Variants in TPX2 observed in about 807,000 individuals in gnomAD.
The protein encoded by TPX2 is TPX2 microtubule nucleation factor.
TPX2 carries 21 observed loss-of-function variants against 93.6 expected under a neutral mutation model. That is an observed-to-expected ratio of 0.22 (90% confidence interval 0.16 to 0.32). The LOEUF is 0.32. TPX2 is among the 10% of genes least tolerant of loss of function. TPX2 has a pLI of 1.00. For missense variants in TPX2, 776 were observed against 871.1 expected (o/e 0.89, Z 1.37); for synonymous variants, 281 against 298.3 (o/e 0.94, Z 0.60).
rs138072288 is a variant in TPX2, at chr20:31,755,834, C to G, written c.-70-1573C>G. Among the ~76,000 whole-genome samples the G allele has an allele frequency of 1.4e-3, 216 of 151,742 alleles. 3 individuals are homozygous for G. The highest frequency in any genetic ancestry group is 8.3e-3 in the East Asian group (43 of 5,154). ...TTGGCCACTGAGTGTGGCCTTTAGG[C>G]TATTTATCAGATTACTTTCAGCTAT... On this transcript the variant is annotated intron_variant, in intron 2 of 17. Coordinates refer to ENST00000300403, the MANE Select transcript of TPX2 (RefSeq NM_012112.5).
intron 16 of TPX2, 39 bp downstream of exon 16, chr20:31,797,554 T>A (rs1395699041): frequency 6.4e-7 from 1 of 1,567,704 alleles, no homozygotes; most frequent in Admixed American, 1.7e-5. Flanking sequence ...CGGGCAGAAT[T>A]GTCAGACTTC....
chr20:31,764,098 T>C (rs542245084), intron 4 of TPX2, among the ~76,000 whole-genome samples: 2 of 133,540 alleles, frequency 1.5e-5, no homozygotes, highest in Non-Finnish European at 3.1e-5. Context: ...TATATGTACA[T>C]ACATCTAATA....
intron 1 of TPX2, among the ~76,000 whole-genome samples, chr20:31,742,202 C>T (rs2061757233): frequency 7.4e-6 from 1 of 134,426 alleles, no homozygotes; most frequent in Non-Finnish European, 1.5e-5. Flanking sequence ...TTGAGACAGT[C>T]TCACTGTGTT....
At chr20:31,780,060 T>A (rs1254389997) in intron 10 of TPX2, among the ~76,000 whole-genome samples, 1 of 152,230 alleles carries the variant, frequency 6.6e-6, no homozygotes, top group Non-Finnish European at 1.5e-5. Context: ...AGGCATTTTT[T>A]TTGAGACAGA....
At position 31,794,519 on chromosome 20, in the gene TPX2, G is replaced by A. The variant is rs751887166; in HGVS notation, c.1804G>A (p.Ala602Thr). 2 of 1,614,006 alleles carry A rather than the reference G, an allele frequency of 1.2e-6. No individual in the cohort carries two copies. The highest frequency in any genetic ancestry group is 1.7e-6 in the Non-Finnish European group (2 of 1,179,992). ...PFCLETDRRG[A>T]LKAQTWKHQL... ...CTGCTTGGAGACTGACAGAAGAGGTGCTCTGAAGGCACAGACTTGGAAGCA... is the reference window on the plus strand; with the variant it reads ...CTGCTTGGAGACTGACAGAAGAGGTACTCTGAAGGCACAGACTTGGAAGCA... Residue 602 changes from alanine (A) to threonine (T), a missense_variant, in exon 15 of 18, where the codon GCT (alanine) becomes ACT (threonine). This residue lies in a region of TPX2 where 461 missense variants were observed against 551.2 expected (regional missense o/e 0.84). Transcript: ENST00000300403.
rs1359130549 is a variant in TPX2, at chr20:31,742,667, A to C, written c.-71+20A>C. 6.6e-6 allele frequency: 1 copy of C among 152,236 alleles called. No homozygotes were observed. The highest frequency in any genetic ancestry group is 1.5e-5 in the Non-Finnish European group (1 of 68,044). 9.4% of individuals were successfully genotyped at this position (152,236 alleles called of 1,614,324 possible). On this transcript the variant is annotated intron_variant, in intron 2 of 17. Coordinates refer to ENST00000300403, the MANE Select transcript of TPX2 (RefSeq NM_012112.5). ...CCACAGGTAAGGCAGTGACCATAGG[A>C]ATAAGGAACATTAATATATCAGCTT...
At chr20:31,743,743 T>G (rs2061766859) in intron 2 of TPX2, among the ~76,000 whole-genome samples, 1 of 151,308 alleles carries the variant, frequency 6.6e-6, no homozygotes, top group East Asian at 1.9e-4. Context: ...TTTTTTTTTT[T>G]GAGGCAGAGT....
intron 4 of TPX2, among the ~76,000 whole-genome samples, chr20:31,765,332 AC>A (rs1430709921): frequency 1.3e-3 from 203 of 151,158 alleles, no homozygotes; most frequent in East Asian, 2.7e-3. Context: ...AAAAAAAAAA[AC>A]GTTTATCAAA....
chr20:31,750,357 A>G (rs2061811107), intron 2 of TPX2, among the ~76,000 whole-genome samples: 1 of 151,808 alleles, frequency 6.6e-6, no homozygotes, highest in African/African-American at 2.4e-5. Flanking sequence ...GGGTTTCTCC[A>G]TTTTGAGGCT....
At chr20:31,785,788 G>A (rs1425269497) in intron 12 of TPX2, among the ~76,000 whole-genome samples, 2 of 152,064 alleles carry the variant, frequency 1.3e-5, no homozygotes, top group Admixed American at 6.5e-5. Flanking sequence ...GTGAGCCACC[G>A]TGCCTGGCTG....
chr20:31,742,127 A>G (rs2061756822), intron 1 of TPX2, among the ~76,000 whole-genome samples: 1 of 152,166 alleles, frequency 6.6e-6, no homozygotes, highest in Admixed American at 6.6e-5. Context: ...TGGAAATTAA[A>G]AATAATGTTA....
At chr20:31,782,158 T>TA in intron 10 of TPX2, 91 bp from the exon 11 acceptor site, 1 of 1,493,968 alleles carries the variant, frequency 6.7e-7, no homozygotes, top group Non-Finnish European at 9.0e-7. Flanking sequence ...GTGGTTGGTT[T>TA]ATCCCTCTCT....
chr20:31,742,391 T>A (rs1291752643), intron 1 of TPX2, 150 bp from the exon 2 acceptor site: 1 of 152,194 alleles, frequency 6.6e-6, no homozygotes, highest in Non-Finnish European at 1.5e-5. Flanking sequence ...TTGGCCAGGC[T>A]GGTCTTGAAC....
chr20:31,794,276 A>C (rs986379877), intron 14 of TPX2, 126 bp from the exon 15 acceptor site: 27 of 1,286,128 alleles, frequency 2.1e-5, no homozygotes, highest in Non-Finnish European at 2.4e-5. Context: ...TGAACCCATT[A>C]TTCATTCTTT....
In TPX2 at chr20:31,783,889, C is replaced by T; in HGVS notation, c.1381C>T (p.Pro461Ser). The change falls in exon 12 of 18, where the codon CCT (proline) becomes TCT (serine). Residue 461 changes from proline to serine, a missense_variant. Physicochemically the swap from Pro to Ser is moderately conservative, Grantham distance 74. Around this residue, in one of 3 missense-constraint regions of TPX2, gnomAD observed 461 missense variants for 551.2 expected, o/e 0.84. Transcript: ENST00000300403. ...EDEHFEFHSR[P>S]CPTKILEDVV... ...TGAACACTTTGAATTTCATTCCAGA[C>T]CTTGCCCTACTAAGATTTTGGAAGA... The T allele has an allele frequency of 6.2e-7, 1 of 1,612,332 alleles. No individual in the cohort carries two copies. The highest frequency in any genetic ancestry group is 8.5e-7 in the Non-Finnish European group (1 of 1,179,698).
intron 6 of TPX2, among the ~76,000 whole-genome samples, chr20:31,770,773 TAAG>T: frequency 6.6e-6 from 1 of 152,332 alleles, no homozygotes; most frequent in African/African-American, 2.4e-5. Flanking sequence ...TTTTATTAGT[TAAG>T]AATGTATTTT....
chr20:31,793,748 A>T, intron 13 of TPX2, 100 bp from the exon 14 acceptor site: 1 of 1,180,348 alleles, frequency 8.5e-7, no homozygotes, highest in Non-Finnish European at 1.1e-6. Context: ...ATTTTGTTTT[A>T]ATTAATGCCA....
intron 2 of TPX2, among the ~76,000 whole-genome samples, chr20:31,754,121 A>G (rs1188513169): frequency 6.6e-6 from 1 of 152,018 alleles, no homozygotes; most frequent in Non-Finnish European, 1.5e-5. Flanking sequence ...ATTTTTTGAG[A>G]CAGAGTCTCG....
chr20:31,791,052 G>C (rs1431099020), intron 12 of TPX2, among the ~76,000 whole-genome samples: 1 of 152,110 alleles, frequency 6.6e-6, no homozygotes, highest in African/African-American at 2.4e-5. Context: ...ACAAGCAAAG[G>C]TAATGAGATA....
Sources: allele counts gnomAD v4.1 joint callset (sites outside exome capture counted in the v4.1 genomes callset), GRCh38; gene constraint gnomAD v4.1.1; regional missense constraint gnomAD v4.1.1; transcripts MANE v1.5; gene names NCBI Gene and HGNC (gene_info 2026-07-23, HGNC 2026-07-21).